Variants in PRORP observed in about 807,000 individuals in gnomAD.
PRORP encodes the protein protein only RNase P catalytic subunit, also known as mitochondrial ribonuclease P catalytic subunit.
In PRORP, 51 loss-of-function variants were observed where a neutral mutation model predicts 59.4. That is an observed-to-expected ratio of 0.86 (90% CI 0.69 to 1.08). The LOEUF is 1.08. PRORP is among the 50% of genes least tolerant of loss of function. The pLI is 0.00. For missense variants in PRORP, 646 were observed against 690.3 expected, an observed-to-expected ratio of 0.94 and a Z score of 0.72; for synonymous variants, 231 against 245.6, an observed-to-expected ratio of 0.94 and a Z score of 0.55.
At chr14:35,129,044 A>G (rs1300779744) in intron 4 of PRORP, among the ~76,000 whole-genome samples, 1 of 146,222 alleles carries the variant, frequency 6.8e-6, no homozygotes, top group African/African-American at 2.5e-5. Context: ...TAAAAATACA[A>G]AAAAAAAAAA....
At chr14:35,154,648 C>T (rs1482927761) in intron 4 of PRORP, among the ~76,000 whole-genome samples, 6 of 151,278 alleles carry the variant, frequency 4.0e-5, no homozygotes, top group African/African-American at 1.5e-4. Context: ...TTACCAAATA[C>T]CATCTGTGGG....
chr14:35,165,262 CT>C (rs1313654247), intron 4 of PRORP, among the ~76,000 whole-genome samples: 11 of 152,096 alleles, frequency 7.2e-5, no homozygotes, highest in African/African-American at 2.2e-4. Flanking sequence ...ATCTTCCTGC[CT>C]CAGCCTCCTG....
intron 5 of PRORP, among the ~76,000 whole-genome samples, chr14:35,199,204 G>A (rs1194735611): frequency 6.6e-6 from 1 of 151,590 alleles, no homozygotes; most frequent in Non-Finnish European, 1.5e-5. Flanking sequence ...ACATGGTGGT[G>A]CGTGCCTGTA....
chr14:35,266,259 G>A (rs2051036080), intron 5 of PRORP, among the ~76,000 whole-genome samples: 1 of 151,398 alleles, frequency 6.6e-6, no homozygotes, highest in Admixed American at 6.6e-5. Flanking sequence ...AGAGGTTGCA[G>A]TGAGCTGAGA....
At chr14:35,227,453 A>T (rs188464443) in intron 5 of PRORP, among the ~76,000 whole-genome samples, 1 of 152,198 alleles carries the variant, frequency 6.6e-6, no homozygotes, top group Admixed American at 6.5e-5. Flanking sequence ...CAAAAAAAAA[A>T]AAGTTATGTT....
At chr14:35,130,031 T>G (rs1178899639) in intron 4 of PRORP, among the ~76,000 whole-genome samples, 10 of 120,974 alleles carry the variant, frequency 8.3e-5, no homozygotes, top group African/African-American at 3.8e-4. Context: ...TTAGACTTTC[T>G]TTTTTTTTTT....
At chr14:35,163,982 A>G (rs970873950) in intron 4 of PRORP, among the ~76,000 whole-genome samples, 4 of 152,136 alleles carry the variant, frequency 2.6e-5, no homozygotes, top group African/African-American at 7.2e-5. Flanking sequence ...TCATTTTGCT[A>G]CATATAACTA....
chr14:35,168,317 T>C (rs2048234850), intron 4 of PRORP, among the ~76,000 whole-genome samples: 1 of 152,214 alleles, frequency 6.6e-6, no homozygotes, highest in Non-Finnish European at 1.5e-5. Flanking sequence ...TGTATAATGA[T>C]TTCTTGCTAT....
chr14:35,243,960 G>GA (rs1425078503), intron 5 of PRORP, among the ~76,000 whole-genome samples: 1 of 152,156 alleles, frequency 6.6e-6, no homozygotes, highest in African/African-American at 2.4e-5. Context: ...TTATATACCT[G>GA]AAAAAAAGAG....
At chr14:35,265,836 G>T (rs2051023426) in intron 5 of PRORP, among the ~76,000 whole-genome samples, 1 of 151,972 alleles carries the variant, frequency 6.6e-6, no homozygotes, top group Non-Finnish European at 1.5e-5. Context: ...TCCCTCTTGA[G>T]CCTCTCTATC....
chr14:35,198,023 C>T (rs922044084), intron 5 of PRORP, among the ~76,000 whole-genome samples: 1 of 152,130 alleles, frequency 6.6e-6, no homozygotes, highest in African/African-American at 2.4e-5. Context: ...CTCACATTCT[C>T]ATCATAAACA....
At chr14:35,242,577 A>G (rs190968096) in intron 5 of PRORP, among the ~76,000 whole-genome samples, 6 of 152,256 alleles carry the variant, frequency 3.9e-5, no homozygotes, top group East Asian at 1.9e-4. Flanking sequence ...TTTTAAGACT[A>G]TTTTCAGCAC....
intron 5 of PRORP, among the ~76,000 whole-genome samples, chr14:35,202,179 G>T (rs886248344): frequency 1.3e-5 from 2 of 151,370 alleles, no homozygotes; most frequent in Non-Finnish European, 2.9e-5. Context: ...CCATGGTCTC[G>T]ATCTCCTGAC....
chr14:35,269,752 G>A (rs937334131), intron 6 of PRORP, among the ~76,000 whole-genome samples: 3 of 152,036 alleles, frequency 2.0e-5, no homozygotes, highest in African/African-American at 7.2e-5. Context: ...TTTGAATCAA[G>A]GCATAGGGCA....
At chr14:35,253,896 A>C (rs1057388828) in intron 5 of PRORP, among the ~76,000 whole-genome samples, 1 of 151,510 alleles carries the variant, frequency 6.6e-6, no homozygotes, top group Non-Finnish European at 1.5e-5. Context: ...TTCCTCCACT[A>C]TCTTCCCTCC....
At chr14:35,177,063 G>A (rs574501684) in intron 4 of PRORP, among the ~76,000 whole-genome samples, 202 of 152,248 alleles carry the variant, frequency 1.3e-3, no homozygotes, top group African/African-American at 4.6e-3. Flanking sequence ...TGCGTATGTT[G>A]AACCAGCCTT....
intron 5 of PRORP, among the ~76,000 whole-genome samples, chr14:35,228,623 C>G (rs1028890840): frequency 6.6e-6 from 1 of 152,292 alleles, no homozygotes; most frequent in African/African-American, 2.4e-5. Context: ...CATGTTGCTG[C>G]GAAGGACATG....
intron 4 of PRORP, among the ~76,000 whole-genome samples, chr14:35,163,983 C>T (rs1394599303): frequency 6.6e-6 from 1 of 152,186 alleles, no homozygotes; most frequent in African/African-American, 2.4e-5. Flanking sequence ...CATTTTGCTA[C>T]ATATAACTAG....
rs183992633 is a variant in PRORP at position 35,142,555 on chromosome 14, G to C, written c.1167+14944G>C. Among the ~76,000 whole-genome samples the C allele has an allele frequency of 4.8e-4, 69 of 142,882 alleles. 3 individuals are homozygous for C. The highest frequency in any genetic ancestry group is 1.5e-3 in the African/African-American group (61 of 40,788). 93.7% of individuals were successfully genotyped at this position (142,882 alleles called of 152,430 possible). A position where few individuals can be genotyped will look rare whatever the true frequency, so the allele number is the denominator to read the frequency against. ...AAAAAAAAATTTTAGATAGGGTAGA[G>C]ATGGCATTGGGCTTGGTGGCTCACA... On this transcript the variant is annotated intron_variant, in intron 4 of 7. Coordinates refer to ENST00000534898, the MANE Select transcript of PRORP (RefSeq NM_014672.4).
Sources: gnomAD v4.1 joint callset for allele counts (sites outside exome capture counted in the v4.1 genomes callset) on GRCh38, gnomAD v4.1.1 for gene constraint, MANE v1.5 for transcripts, NCBI Gene and HGNC (gene_info 2026-07-23, HGNC 2026-07-21) for gene names.